ZMYND8: variants seen among roughly 807,000 people sequenced by gnomAD.
ZMYND8 encodes the protein zinc finger MYND-type containing 8, also known as MYND-type zinc finger-containing chromatin reader ZMYND8.
ZMYND8 carries 37 observed loss-of-function variants against 140.8 expected under a neutral mutation model. The ratio of observed to expected loss-of-function variants is 0.26; its 90% CI spans 0.20 to 0.35. ZMYND8 has a LOEUF of 0.35. ZMYND8 is among the 10% of genes least tolerant of loss of function. ZMYND8 has a pLI of 1.00. For synonymous variants in ZMYND8, 592 were observed against 597.1 expected (o/e 0.99, Z 0.12); for missense variants, 1,068 against 1,570.0 (o/e 0.68, Z 5.40).
chr20:47,270,219 T>C (rs1012246352), intron 11 of ZMYND8, among the ~76,000 whole-genome samples: 1 of 149,092 alleles, frequency 6.7e-6, no homozygotes, highest in African/African-American at 2.5e-5. Flanking sequence ...GCCTGAGTGA[T>C]AGAGTGTGAC....
chr20:47,309,625 C>T (rs575743675), intron 3 of ZMYND8, among the ~76,000 whole-genome samples: 1 of 152,206 alleles, frequency 6.6e-6, no homozygotes. Context: ...CTTCATTTTA[C>T]AGATGAGAAA....
chr20:47,244,097 A>C (rs1394319501), intron 14 of ZMYND8, among the ~76,000 whole-genome samples: 1 of 152,200 alleles, frequency 6.6e-6, no homozygotes, highest in Admixed American at 6.5e-5. Context: ...GTTCCAGAGC[A>C]GCCCAGGTTG....
chr20:47,231,128 C>T (rs1245216448), intron 16 of ZMYND8, among the ~76,000 whole-genome samples: 1 of 152,154 alleles, frequency 6.6e-6, no homozygotes, highest in Admixed American at 6.5e-5. Flanking sequence ...CAGTTGGTGA[C>T]ATCAGCTAAG....
intron 17 of ZMYND8, among the ~76,000 whole-genome samples, chr20:47,228,555 A>G (rs1276641553): frequency 6.6e-6 from 1 of 152,350 alleles, no homozygotes; most frequent in Non-Finnish European, 1.5e-5. Flanking sequence ...CTAAAGCCTT[A>G]TTCTTTCCCT....
At chr20:47,270,322 A>C (rs2075833184) in intron 11 of ZMYND8, among the ~76,000 whole-genome samples, 1 of 149,720 alleles carries the variant, frequency 6.7e-6, no homozygotes, top group Admixed American at 6.7e-5. Flanking sequence ...ACAGTGAGCC[A>C]AGATCGCACC....
At chr20:47,308,245 G>A (rs539294910) in intron 3 of ZMYND8, among the ~76,000 whole-genome samples, 2 of 143,380 alleles carry the variant, frequency 1.4e-5, no homozygotes, top group South Asian at 4.6e-4. Context: ...TGGAGACAGA[G>A]TCTTGCTCTG....
intron 8 of ZMYND8, among the ~76,000 whole-genome samples, chr20:47,285,024 T>A (rs1183147122): frequency 6.6e-6 from 1 of 151,960 alleles, no homozygotes; most frequent in African/African-American, 2.4e-5. Flanking sequence ...AGACTTAGAG[T>A]GTGCTGGTAT....
chr20:47,298,560 A>T lies in ZMYND8; in HGVS notation c.453+169T>A. On this transcript the variant is annotated intron_variant, in intron 4 of 22. Transcript: ENST00000471951. The surrounding 1 kb of genome is among the most constrained non-coding windows in gnomAD (Gnocchi z 5.0). ...GTCTTTCCAAGAGCTGCAGTACTGC[A>T]GCCACTGCCGGTGTTGGTCAAGAAG... The T allele has an allele frequency of 2.0e-6, 2 of 985,482 alleles. No individual in the cohort carries two copies. The highest frequency in any genetic ancestry group is 2.4e-6 in the Non-Finnish European group (2 of 829,942). 61.0% of individuals were successfully genotyped at this position (985,482 alleles called of 1,614,324 possible). A position where few individuals can be genotyped will look rare whatever the true frequency, so the allele number is the denominator to read the frequency against.
At chr20:47,277,975 T>C (rs2147814710) in intron 10 of ZMYND8, among the ~76,000 whole-genome samples, 1 of 152,112 alleles carries the variant, frequency 6.6e-6, no homozygotes, top group African/African-American at 2.4e-5. Context: ...CCAGTCTTTT[T>C]TGCTTGTTTT....
rs145582065 is a variant in ZMYND8 at position 47,211,668 on chromosome 20, C to G, written c.3569-771G>C. Reference sequence around the variant, plus strand: ...CTGCTAGATGGCTGACTGGAGAAACCTTCCAGCCAAGCCCTAAGATCCCAT... The same window carrying G: ...CTGCTAGATGGCTGACTGGAGAAACGTTCCAGCCAAGCCCTAAGATCCCAT... On this transcript the variant is annotated intron_variant, in intron 22 of 22. Transcript: ENST00000471951. Among the ~76,000 whole-genome samples, 146 of 152,320 alleles carry G rather than the reference C, an allele frequency of 9.6e-4. 2 individuals are homozygous for G. In the East Asian group the frequency reaches 0.022, roughly 23 times the overall value.
At chr20:47,334,079 G>A (rs1464966729) in intron 2 of ZMYND8, among the ~76,000 whole-genome samples, 1 of 152,136 alleles carries the variant, frequency 6.6e-6, no homozygotes, top group Admixed American at 6.5e-5. Context: ...CATCTAATGC[G>A]AAGCCTATTG....
chr20:47,290,082 A>C, intron 7 of ZMYND8, 105 bp downstream of exon 7: 1 of 1,083,630 alleles, frequency 9.2e-7, no homozygotes, highest in Non-Finnish European at 1.3e-6. Context: ...ATCTATACGC[A>C]AGTATTCTCA....
At chr20:47,237,163 T>C (rs1229501380) in intron 15 of ZMYND8, 3 of 143,928 alleles carry the variant, frequency 2.1e-5, no homozygotes, top group Non-Finnish European at 4.4e-5. Flanking sequence ...TTTTTTTTTT[T>C]TGACAGTCTC....
Position 47,265,003 on chromosome 20 carries a change from C to CT in ZMYND8, c.1481-2576dup, listed in dbSNP as rs1367806760. Among the ~76,000 whole-genome samples, 3 of 148,940 alleles carry CT rather than the reference C, an allele frequency of 2.0e-5. No individual in the cohort carries two copies. The Admixed American group carries it at 2.0e-4, about 10-fold the overall frequency. ...AGTGAACCGTGATCATGCCACTGCA[C>CT]TCCAGCCTGGGACACAGAGAGAGAC... is the stretch of plus-strand genomic sequence containing the variant. On this transcript the variant is annotated intron_variant, in intron 11 of 22. Transcript: ENST00000471951.
intron 11 of ZMYND8, among the ~76,000 whole-genome samples, chr20:47,266,226 C>CT (rs2075511550): frequency 1.3e-5 from 2 of 149,442 alleles, no homozygotes; most frequent in Admixed American, 1.4e-4. Flanking sequence ...CACGGCCACC[C>CT]ACCTGGTGGC....
intron 2 of ZMYND8, among the ~76,000 whole-genome samples, chr20:47,323,941 C>T (rs558470711): frequency 3.3e-5 from 5 of 152,290 alleles, no homozygotes; most frequent in African/African-American, 1.2e-4. Context: ...TGGCTCACGC[C>T]TGTAATCCCA....
chr20:47,356,189 C>A (rs2083217166), intron 1 of ZMYND8, among the ~76,000 whole-genome samples: 1 of 146,144 alleles, frequency 6.8e-6, no homozygotes, highest in South Asian at 2.3e-4. Flanking sequence ...GCCATGAGCT[C>A]TCCTTGGAGA....
At chr20:47,292,896 A>G (rs1334067861) in intron 5 of ZMYND8, among the ~76,000 whole-genome samples, 3 of 151,664 alleles carry the variant, frequency 2.0e-5, no homozygotes, top group Non-Finnish European at 4.4e-5. Flanking sequence ...TACAAAAAAT[A>G]ATAATAATAA....
At chr20:47,281,971 CA>C in intron 10 of ZMYND8, 130 bp downstream of exon 10, 1 of 783,162 alleles carries the variant, frequency 1.3e-6, no homozygotes, top group Non-Finnish European at 2.0e-6. Flanking sequence ...TTTATTTCAA[CA>C]ACAAGATCAA....
Sources: gnomAD v4.1 joint callset for allele counts (sites outside exome capture counted in the v4.1 genomes callset) on GRCh38, gnomAD v4.1.1 for gene constraint, Gnocchi (gnomAD v3.1) non-coding constraint, MANE v1.5 for transcripts, NCBI Gene and HGNC (gene_info 2026-07-23, HGNC 2026-07-21) for gene names.